NRG3: variants seen among roughly 807,000 people sequenced by gnomAD.
The protein encoded by NRG3 is pro-neuregulin-3, membrane-bound isoform.
Under a neutral mutation model 66.9 loss-of-function variants are expected in NRG3, and 31 were observed. That is an observed-to-expected ratio of 0.46 (90% CI 0.35 to 0.63). The LOEUF (loss-of-function observed/expected upper bound fraction) is 0.63. Among genes scored for constraint, NRG3 ranks in the 20% least tolerant of loss-of-function variants. The probability of loss-of-function intolerance (pLI) is 0.00; values close to 1 mark genes in which losing one functional copy is unlikely to be tolerated. For missense variants in NRG3, 910 were observed against 878.9 expected, an observed-to-expected ratio of 1.04 and a Z score of -0.45; for synonymous variants, 393 against 359.4, an observed-to-expected ratio of 1.09 and a Z score of -1.06.
At chr10:82,552,601 C>G (rs2044386477) in intron 2 of NRG3, among the ~76,000 whole-genome samples, 1 of 152,070 alleles carries the variant, frequency 6.6e-6, no homozygotes, top group Non-Finnish European at 1.5e-5. Context: ...AGTAATTCTC[C>G]AAAGTTCTCT....
chr10:82,355,753 T>G (rs1320223347), intron 1 of NRG3, among the ~76,000 whole-genome samples: 1 of 152,230 alleles, frequency 6.6e-6, no homozygotes, highest in Non-Finnish European at 1.5e-5. Flanking sequence ...TACACTTACC[T>G]TAGCCAATGC....
intron 3 of NRG3, among the ~76,000 whole-genome samples, chr10:82,749,072 A>G (rs989834138): frequency 2.6e-5 from 4 of 152,102 alleles, no homozygotes; most frequent in African/African-American, 7.2e-5. Flanking sequence ...ACAAATTGCA[A>G]TATGGGTTCC....
chr10:82,499,569 A>G (rs1451541993), intron 2 of NRG3, among the ~76,000 whole-genome samples: 1 of 152,044 alleles, frequency 6.6e-6, no homozygotes, highest in African/African-American at 2.4e-5. Context: ...CGTTTTCTTA[A>G]ATATAAATGT....
intron 8 of NRG3, among the ~76,000 whole-genome samples, chr10:82,980,451 G>T (rs1241554919): frequency 6.6e-6 from 1 of 152,092 alleles, no homozygotes; most frequent in Non-Finnish European, 1.5e-5. Context: ...CCAGGTTCTT[G>T]TGGCTCTGTT....
At chr10:82,864,897 AAG>A (rs1160824541) in intron 3 of NRG3, among the ~76,000 whole-genome samples, 1 of 152,140 alleles carries the variant, frequency 6.6e-6, no homozygotes, top group Non-Finnish European at 1.5e-5. Context: ...TAAAAAGTGA[AAG>A]AGAGAGAGAA....
intron 2 of NRG3, among the ~76,000 whole-genome samples, chr10:82,402,748 C>T (rs1004829167): frequency 1.3e-5 from 2 of 152,036 alleles, no homozygotes; most frequent in Admixed American, 1.3e-4. Context: ...TCAAATACGT[C>T]TATGTGGGTG....
Position 82,982,426 on chromosome 10 carries a change from C to G in NRG3, c.1584-2672C>G, listed in dbSNP as rs1853021295. 2.0e-5 allele frequency among the ~76,000 whole-genome samples: 3 copies of G among 152,074 alleles called. No individual in the cohort carries two copies. In the South Asian group the frequency reaches 6.2e-4, roughly 32 times the overall value. ...AAAGTGAAATGATAAGCTCATGGAC[C>G]GAACTTGTGGAAGCATCATTGGCCC... On this transcript the variant is annotated intron_variant, in intron 8 of 8. Coordinates refer to ENST00000372141, the MANE Select transcript of NRG3 (RefSeq NM_001010848.4).
intron 1 of NRG3, among the ~76,000 whole-genome samples, chr10:82,108,379 T>C (rs996078042): frequency 1.3e-5 from 2 of 152,170 alleles, no homozygotes; most frequent in Non-Finnish European, 2.9e-5. Flanking sequence ...AGACCTCCAA[T>C]GTCCTAGATT....
intron 2 of NRG3, among the ~76,000 whole-genome samples, chr10:82,618,488 C>G (rs1334336776): frequency 6.6e-6 from 1 of 151,934 alleles, no homozygotes; most frequent in African/African-American, 2.4e-5. Context: ...ATACCTGTCT[C>G]ACACTGTCTA....
At chr10:82,112,089 T>TA (rs766103985) in intron 1 of NRG3, among the ~76,000 whole-genome samples, 1 of 151,384 alleles carries the variant, frequency 6.6e-6, no homozygotes, top group Non-Finnish European at 1.5e-5. Context: ...GTAAAAAAAA[T>TA]AAAAAACAGC....
intron 2 of NRG3, among the ~76,000 whole-genome samples, chr10:82,557,311 T>C (rs1003814131): frequency 5.9e-5 from 9 of 152,168 alleles, no homozygotes; most frequent in Admixed American, 1.3e-4. Context: ...ATTTTTTGAC[T>C]TTTTAATAAT....
chr10:81,947,825 G>C (rs1767271037), intron 1 of NRG3, among the ~76,000 whole-genome samples: 1 of 151,992 alleles, frequency 6.6e-6, no homozygotes, highest in Non-Finnish European at 1.5e-5. Context: ...GGCTTCCAAA[G>C]CTAACCCCCT....
At chr10:82,979,696 T>G (rs1852648382) in intron 8 of NRG3, among the ~76,000 whole-genome samples, 1 of 152,128 alleles carries the variant, frequency 6.6e-6, no homozygotes, top group Admixed American at 6.5e-5. Flanking sequence ...TGTCCCTTCC[T>G]CTGGTGGACA....
At chr10:82,512,222 T>A (rs1332337046) in intron 2 of NRG3, among the ~76,000 whole-genome samples, 1 of 151,546 alleles carries the variant, frequency 6.6e-6, no homozygotes, top group East Asian at 1.9e-4. Flanking sequence ...ATATATAGAC[T>A]ATATATATAA....
intron 1 of NRG3, among the ~76,000 whole-genome samples, chr10:82,047,327 A>T (rs1300643977): frequency 6.6e-6 from 1 of 151,920 alleles, no homozygotes; most frequent in Non-Finnish European, 1.5e-5. Flanking sequence ...AATGAAGGAG[A>T]AAATGTTAAG....
intron 1 of NRG3, among the ~76,000 whole-genome samples, chr10:82,052,115 G>A (rs2063625992): frequency 6.7e-6 from 1 of 150,314 alleles, no homozygotes; most frequent in African/African-American, 2.4e-5. Flanking sequence ...ATCCTCATAA[G>A]CAATGTGCAA....
chr10:82,804,419 G>T (rs2061188902), intron 3 of NRG3, among the ~76,000 whole-genome samples: 1 of 152,142 alleles, frequency 6.6e-6, no homozygotes, highest in African/African-American at 2.4e-5. Context: ...ATTTGTGGGT[G>T]GAAGACATGA....
intron 4 of NRG3, among the ~76,000 whole-genome samples, chr10:82,897,115 A>G (rs1218676789): frequency 6.6e-6 from 1 of 152,250 alleles, no homozygotes; most frequent in African/African-American, 2.4e-5. Flanking sequence ...TGAATGAAGC[A>G]AAATAGAGAC....
chr10:81,965,567 T>C (rs1193813707), intron 1 of NRG3, among the ~76,000 whole-genome samples: 7 of 152,230 alleles, frequency 4.6e-5, no homozygotes, highest in Admixed American at 3.9e-4. Context: ...CTTAGTACCA[T>C]TGTAGACCTT....
Sources: allele counts gnomAD v4.1 joint callset (sites outside exome capture counted in the v4.1 genomes callset), GRCh38; gene constraint gnomAD v4.1.1; transcripts MANE v1.5; gene names NCBI Gene and HGNC (gene_info 2026-07-23, HGNC 2026-07-21).